Variants in PCNX2 observed in about 807,000 individuals in gnomAD.
The protein encoded by PCNX2 is pecanex 2, also known as pecanex-like protein 2.
Under a neutral mutation model 223.8 loss-of-function variants are expected in PCNX2, and 168 were observed. The observed-to-expected ratio is 0.75, with a 90% CI of 0.66 to 0.85. The LOEUF (loss-of-function observed/expected upper bound fraction) is 0.85. PCNX2 is among the 40% of genes least tolerant of loss of function. PCNX2 has a pLI of 0.00. For synonymous variants in PCNX2, 1,006 were observed against 1,052.6 expected (o/e 0.96, Z 0.86); for missense variants, 2,507 against 2,675.5 (o/e 0.94, Z 1.39).
chr1:233,160,204 A>G, intron 19 of PCNX2, 79 bp downstream of exon 19: 7 of 1,451,806 alleles, frequency 4.8e-6, no homozygotes, highest in Non-Finnish European at 6.6e-6. Context: ...GTACATTCAG[A>G]CTGTTGCACA....
chr1:233,129,620 T>C (rs150280235), intron 21 of PCNX2, among the ~76,000 whole-genome samples: 6,275 of 152,212 alleles, frequency 0.041, 159 homozygotes, highest in African/African-American at 0.088. Flanking sequence ...TTATGTCTAG[T>C]TAAGGGATTG....
the PCNX2 span, among the ~76,000 whole-genome samples, chr1:233,311,348 A>T: frequency 1.3e-5 from 2 of 152,230 alleles, no homozygotes; most frequent in African/African-American, 4.8e-5. Flanking sequence ...CCAAGTTATG[A>T]GGTGATCAAA....
At chr1:233,023,178 C>G (rs981157933) in intron 26 of PCNX2, among the ~76,000 whole-genome samples, 1 of 152,172 alleles carries the variant, frequency 6.6e-6, no homozygotes, top group African/African-American at 2.4e-5. Context: ...CCCTGTCCTG[C>G]CTCCTGAAAA....
At chr1:233,044,434 T>TG (rs1386454040) in intron 25 of PCNX2, among the ~76,000 whole-genome samples, 1 of 152,336 alleles carries the variant, frequency 6.6e-6, no homozygotes, top group East Asian at 1.9e-4. Flanking sequence ...TTATCAATTT[T>TG]GGCTTTTGTT....
intron 23 of PCNX2, among the ~76,000 whole-genome samples, chr1:233,081,528 G>A (rs959500890): frequency 2.3e-4 from 35 of 152,210 alleles, no homozygotes; most frequent in East Asian, 1.4e-3. Flanking sequence ...GAACCAGGCC[G>A]GGGCCATGGA....
chr1:232,985,732 C>G, intron 33 of PCNX2: 1 of 523,310 alleles, frequency 1.9e-6, no homozygotes, highest in South Asian at 3.2e-5. Flanking sequence ...TCCTCTCCCT[C>G]AGGCCAGAAT....
At chr1:233,161,458 A>T in intron 17 of PCNX2, 95 bp from the exon 18 acceptor site, 1 of 1,070,358 alleles carries the variant, frequency 9.3e-7, no homozygotes, top group Non-Finnish European at 1.4e-6. Context: ...TTGACCCAAG[A>T]TAAACTGTTT....
chr1:233,225,994 T>C (rs979788429), intron 10 of PCNX2, among the ~76,000 whole-genome samples: 4 of 152,334 alleles, frequency 2.6e-5, no homozygotes, highest in East Asian at 3.9e-4. Flanking sequence ...GATCACACTA[T>C]TTAAGACATT....
At chr1:233,234,311 T>G (rs1214236389) in intron 9 of PCNX2, among the ~76,000 whole-genome samples, 1 of 152,228 alleles carries the variant, frequency 6.6e-6, no homozygotes, top group Non-Finnish European at 1.5e-5. Context: ...TTTCCCAGTA[T>G]GAGACTTTGT....
intron 21 of PCNX2, among the ~76,000 whole-genome samples, chr1:233,100,433 A>G (rs896997253): frequency 4.6e-5 from 7 of 151,738 alleles, no homozygotes; most frequent in Admixed American, 3.9e-4. Context: ...AAAAAAAAAA[A>G]AAAAAAGAAA....
chr1:233,227,633 T>G (rs997187742), intron 9 of PCNX2, among the ~76,000 whole-genome samples: 33 of 152,214 alleles, frequency 2.2e-4, no homozygotes, highest in African/African-American at 7.7e-4. Context: ...CCATTAAAAT[T>G]CTGCTACTCA....
chr1:233,030,597 CT>C (rs1311956961), intron 25 of PCNX2, among the ~76,000 whole-genome samples: 3 of 152,128 alleles, frequency 2.0e-5, no homozygotes, highest in African/African-American at 7.2e-5. Context: ...CAGCTTGATC[CT>C]TTTAAAGCTT....
chr1:233,014,760 G>T lies in PCNX2; in HGVS notation c.4857C>A (p.Asp1619Glu), dbSNP rs763545333. 1.4e-5 allele frequency: 23 copies of T among 1,613,722 alleles called. No homozygotes were observed. Among genetic ancestry groups the T allele is most frequent in the Non-Finnish European group, 1.9e-5 (23 of 1,179,838 alleles). ...TCACCAAGGGAGAGTCCTCGTCACT[G>T]TCCAGGGTCGTTGAAGGCTGAAAGA... Reference protein sequence around the residue: ...RKRQEPSTTLDSDEDSPLVTL... With the variant: ...RKRQEPSTTLESDEDSPLVTL... The change falls in exon 28 of 34, where the codon GAC becomes GAA. Residue 1619 changes from aspartate (D) to glutamate (E), a missense_variant. Coordinates refer to ENST00000258229, the MANE Select transcript of PCNX2 (RefSeq NM_014801.4).
In PCNX2 at chr1:233,258,280, C is replaced by T. The variant is rs745590768; in HGVS notation, c.1582G>A (p.Ala528Thr). 1 of 1,614,036 alleles carries T rather than the reference C, an allele frequency of 6.2e-7. No individual in the cohort carries two copies. Among genetic ancestry groups the T allele is most frequent in the Admixed American group, 1.7e-5 (1 of 60,034 alleles). ...CCACTGTCCACACTGAGCACCCGGG[C>T]ATGCCTCTTTTCATGGCTGGACTTA... ...SCKSSHEKRH[A>T]RVLSVDSGTD... The change falls in exon 5 of 34, where the codon GCC becomes ACC. Residue 528 changes from alanine (A) to threonine (T), a missense_variant. Physicochemically the swap from Ala to Thr is moderately conservative, Grantham distance 58. Around this residue, in one of 3 missense-constraint regions of PCNX2, gnomAD observed 1,031 missense variants for 1,021.7 expected, o/e 1.01. Transcript: ENST00000258229.
chr1:233,030,792 T>G (rs540840952), intron 25 of PCNX2, among the ~76,000 whole-genome samples: 2 of 152,348 alleles, frequency 1.3e-5, no homozygotes, highest in African/African-American at 4.8e-5. Flanking sequence ...TAGTCTTTAT[T>G]TATATCATGT....
intron 32 of PCNX2, among the ~76,000 whole-genome samples, chr1:232,989,443 G>C (rs1669618005): frequency 6.6e-6 from 1 of 151,310 alleles, no homozygotes; most frequent in Non-Finnish European, 1.5e-5. Context: ...GAAAGAGTGA[G>C]ACTCCGTCTC....
intron 25 of PCNX2, among the ~76,000 whole-genome samples, chr1:233,026,227 G>A (rs1360707386): frequency 6.6e-6 from 1 of 152,310 alleles, no homozygotes; most frequent in Non-Finnish European, 1.5e-5. Flanking sequence ...GGAACTCAGC[G>A]CAGATAACTG....
Position 233,025,206 on chromosome 1 carries a change from G to C in PCNX2, c.4545C>G (p.Asn1515Lys), listed in dbSNP as rs201941744. 3.7e-6 allele frequency: 6 copies of C among 1,614,014 alleles called. No homozygotes were observed. In the South Asian group the frequency reaches 5.5e-5, roughly 15 times the overall value. The change falls in exon 26 of 34, where the codon AAC becomes AAG. Residue 1515 changes from asparagine to lysine, a missense_variant. Physicochemically the swap from Asn to Lys is moderately conservative, Grantham distance 94. Transcript: ENST00000258229. ...ILEGYSILDN[N>K]AATMLQVFDL... ...CAAACACCTGCAGCATGGTGGCCGC[G>C]TTGTTGTCCAGGATGCTGTAGCCCT...
At position 232,984,469 on chromosome 1, in the gene PCNX2, G is replaced by A. The variant is rs369894024; in HGVS notation, c.6249C>T (p.Ser2083=). 1.4e-4 allele frequency: 230 copies of A among 1,612,192 alleles called. No homozygotes were observed. The highest frequency in any genetic ancestry group is 1.9e-4 in the Non-Finnish European group (225 of 1,179,332). ...RAASQATRHL[S]EPCEPPDATE... ...TGGCATCAGGGGGCTCACATGGCTCGGAGAGGTGCTTCCAAAGAGAAGAGA... is the reference window on the plus strand; with the variant it reads ...TGGCATCAGGGGGCTCACATGGCTCAGAGAGGTGCTTCCAAAGAGAAGAGA... The change falls in exon 34 of 34, where the codon TCC becomes TCT. Residue 2083 remains serine (S), a synonymous_variant. Transcript: ENST00000258229.
Sources: allele counts gnomAD v4.1 joint callset (sites outside exome capture counted in the v4.1 genomes callset), GRCh38; gene constraint gnomAD v4.1.1; regional missense constraint gnomAD v4.1.1; transcripts MANE v1.5; gene names NCBI Gene and HGNC (gene_info 2026-07-23, HGNC 2026-07-21).